The following GALNTL6 variants were observed in gnomAD, a reference collection of about 807,000 sequenced individuals.
GALNTL6 encodes the protein polypeptide N-acetylgalactosaminyltransferase-like 6.
Under a neutral mutation model 73.7 loss-of-function variants are expected in GALNTL6, and 46 were observed. That is an observed-to-expected ratio of 0.62 (90% confidence interval 0.49 to 0.80). GALNTL6 has a LOEUF of 0.80. Ranked by LOEUF, GALNTL6 falls within the 30% of genes least tolerant of loss-of-function variation. GALNTL6 has a pLI of 0.00. For synonymous variants in GALNTL6, 259 were observed against 263.7 expected (o/e 0.98, Z 0.17); for missense variants, 604 against 755.0 (o/e 0.80, Z 2.34).
At chr4:172,583,038 T>A (rs1317900455) in intron 5 of GALNTL6, among the ~76,000 whole-genome samples, 4 of 152,124 alleles carry the variant, frequency 2.6e-5, no homozygotes, top group African/African-American at 9.7e-5. Flanking sequence ...TTTTTTAACA[T>A]CTTCTTCACT....
At chr4:171,850,110 C>T (rs887643473) in intron 2 of GALNTL6, among the ~76,000 whole-genome samples, 11 of 152,278 alleles carry the variant, frequency 7.2e-5, no homozygotes, top group South Asian at 4.1e-4. Context: ...GAATTACAGG[C>T]GCGTGCCAAC....
At chr4:172,483,739 T>A (rs1454588215) in intron 5 of GALNTL6, among the ~76,000 whole-genome samples, 3 of 152,002 alleles carry the variant, frequency 2.0e-5, no homozygotes, top group Admixed American at 2.0e-4. Context: ...TAACTTAAGA[T>A]ACAAGGGGGA....
chr4:172,013,716 AT>A (rs1360234394), intron 2 of GALNTL6, among the ~76,000 whole-genome samples: 1 of 152,062 alleles, frequency 6.6e-6, no homozygotes, highest in Non-Finnish European at 1.5e-5. Flanking sequence ...CAATCCAATT[AT>A]ACTGTTTTAG....
At chr4:172,314,517 A>T (rs1180109464) in intron 4 of GALNTL6, among the ~76,000 whole-genome samples, 5 of 149,552 alleles carry the variant, frequency 3.3e-5, no homozygotes, top group African/African-American at 1.2e-4. Context: ...TCATGGTTTT[A>T]TATGTTTTGA....
chr4:172,658,162 A>AAAAAAAAAAAAAAAAAAC (rs1184427799), intron 5 of GALNTL6, among the ~76,000 whole-genome samples: 1 of 124,406 alleles, frequency 8.0e-6, no homozygotes, highest in Non-Finnish European at 1.7e-5. Context: ...AAAAAAAAAA[A>AAAAAAAAAAAAAAAAAAC]AAAAAAAGAA....
chr4:172,632,073 A>G (rs1739418844), intron 5 of GALNTL6, among the ~76,000 whole-genome samples: 1 of 152,202 alleles, frequency 6.6e-6, no homozygotes, highest in Non-Finnish European at 1.5e-5. Context: ...GCCCTCTAGC[A>G]TGATTGTGAG....
At chr4:172,614,796 G>A (rs1460160532) in intron 5 of GALNTL6, among the ~76,000 whole-genome samples, 1 of 152,132 alleles carries the variant, frequency 6.6e-6, no homozygotes, top group Non-Finnish European at 1.5e-5. Context: ...GGTGGGTGTT[G>A]TGAATCAATT....
chr4:172,059,892 TG>T (rs1731142077), intron 2 of GALNTL6, among the ~76,000 whole-genome samples: 1 of 152,118 alleles, frequency 6.6e-6, no homozygotes, highest in African/African-American at 2.4e-5. Context: ...GAGAGCCAGT[TG>T]CCAGTTTTAA....
chr4:172,604,094 T>C (rs1738169729), intron 5 of GALNTL6, among the ~76,000 whole-genome samples: 1 of 152,226 alleles, frequency 6.6e-6, no homozygotes, highest in Non-Finnish European at 1.5e-5. Flanking sequence ...CATCATGCTA[T>C]GTCAAGAAAG....
At chr4:172,220,914 G>C (rs950405261) in intron 2 of GALNTL6, among the ~76,000 whole-genome samples, 1 of 151,830 alleles carries the variant, frequency 6.6e-6, no homozygotes, top group Non-Finnish European at 1.5e-5. Context: ...TGAACATGAT[G>C]ATAACTATGG....
intron 2 of GALNTL6, among the ~76,000 whole-genome samples, chr4:172,099,748 A>G (rs752161831): frequency 7.2e-5 from 11 of 152,274 alleles, no homozygotes; most frequent in Non-Finnish European, 1.6e-4. Flanking sequence ...TAGGAATTAA[A>G]ATCTCTAATT....
At chr4:172,305,576 T>C (rs892701880) in intron 3 of GALNTL6, among the ~76,000 whole-genome samples, 2 of 152,136 alleles carry the variant, frequency 1.3e-5, no homozygotes, top group Admixed American at 1.3e-4. Flanking sequence ...TCATAAATAT[T>C]CAAACATACA....
In GALNTL6 at chr4:172,899,377, TC is replaced by T. The variant is rs1349475984; in HGVS notation, c.1041+16474del. Among the ~76,000 whole-genome samples, 7 of 152,192 alleles carry T rather than the reference TC, an allele frequency of 4.6e-5. No homozygotes were observed. In the East Asian group the frequency reaches 9.6e-4, roughly 21 times the overall value. On this transcript the variant is annotated intron_variant, in intron 8 of 12. Coordinates refer to ENST00000506823, the MANE Select transcript of GALNTL6 (RefSeq NM_001034845.3). ...CCATCTATTAAATTAGTGCTTGTTT[TC>T]CCCATCACTCAAACGTATCTAACGT...
At chr4:171,890,459 T>G (rs982012674) in intron 2 of GALNTL6, among the ~76,000 whole-genome samples, 2 of 152,150 alleles carry the variant, frequency 1.3e-5, no homozygotes, top group Admixed American at 1.3e-4. Flanking sequence ...ACATGTACTC[T>G]CTCTATATTT....
chr4:173,037,743 G>A (rs2126544836), intron 12 of GALNTL6, among the ~76,000 whole-genome samples: 1 of 151,654 alleles, frequency 6.6e-6, no homozygotes, highest in South Asian at 2.1e-4. Context: ...GGGTCCACAT[G>A]AGCATTTTTT....
chr4:172,285,751 A>G (rs11931371), intron 3 of GALNTL6, among the ~76,000 whole-genome samples: 71,662 of 151,972 alleles, frequency 0.47, 17,471 homozygotes, highest in African/African-American at 0.61. Context: ...TCTCTGTACA[A>G]ATCTATTCCT....
In GALNTL6 at chr4:172,071,258, G is replaced by A. The variant is rs998497937; in HGVS notation, c.139-158398G>A. ...GAGGATGGTCAGCTCTCTCATCAAC[G>A]TGTGGTTTTCAAGGATTGTGCTATT... On this transcript the variant is annotated intron_variant, in intron 2 of 12. Coordinates refer to ENST00000506823, the MANE Select transcript of GALNTL6 (RefSeq NM_001034845.3). Among the ~76,000 whole-genome samples the A allele has an allele frequency of 5.5e-5, 6 of 109,664 alleles. 3 individuals are homozygous for A. The highest frequency in any genetic ancestry group is 1.2e-4 in the Non-Finnish European group (6 of 49,332). 71.9% of individuals were successfully genotyped at this position (109,664 alleles called of 152,430 possible).
rs116791885 is a variant in GALNTL6, at chr4:172,468,049, C to T, written c.553+119360C>T. ...CTGGGACTATAGGCATACACCACCA[C>T]ACCCTGCTATTTATCTACTTTTTGT... On this transcript the variant is annotated intron_variant, in intron 5 of 12. Transcript: ENST00000506823. 4.0e-3 allele frequency among the ~76,000 whole-genome samples: 603 copies of T among 151,968 alleles called. 2 individuals carry two copies. Among genetic ancestry groups the T allele is most frequent in the Admixed American group, 6.0e-3 (92 of 15,236 alleles).
intron 5 of GALNTL6, among the ~76,000 whole-genome samples, chr4:172,608,760 C>G (rs957347506): frequency 2.0e-5 from 3 of 152,098 alleles, no homozygotes; most frequent in Admixed American, 2.0e-4. Flanking sequence ...ACTGATTTAG[C>G]ATGGAATATT....
Sources: allele counts gnomAD v4.1 joint callset (sites outside exome capture counted in the v4.1 genomes callset), GRCh38; gene constraint gnomAD v4.1.1; transcripts MANE v1.5; gene names NCBI Gene and HGNC (gene_info 2026-07-23, HGNC 2026-07-21).